Variants in GATA3 observed in about 807,000 individuals in gnomAD.
The protein encoded by GATA3 is GATA binding protein 3, also known as trans-acting T-cell-specific transcription factor GATA-3.
In GATA3, 6 loss-of-function variants were observed where a neutral mutation model predicts 36.0. That is an observed-to-expected ratio of 0.17 (90% CI 0.09 to 0.33). The LOEUF is 0.33. Among genes scored for constraint, GATA3 ranks in the 10% least tolerant of loss-of-function variants. GATA3 has a pLI of 1.00. For synonymous variants in GATA3, 326 were observed against 273.0 expected, an observed-to-expected ratio of 1.19 and a Z score of -1.92; for missense variants, 514 against 610.1, an observed-to-expected ratio of 0.84 and a Z score of 1.66.
intron 4 of GATA3, among the ~76,000 whole-genome samples, 164 bp downstream of exon 4, chr10:8,064,302 C>CTTTTT (rs1832798418): frequency 1.1e-5 from 1 of 91,460 alleles, no homozygotes. Flanking sequence ...TCTTTCTTTT[C>CTTTTT]TTCTTCTTCT....
At chr10:8,063,936 T>C in intron 3 of GATA3, 57 bp from the exon 4 acceptor site, 1 of 1,613,444 alleles carries the variant, frequency 6.2e-7, no homozygotes, top group Non-Finnish European at 8.5e-7. Flanking sequence ...CCAAATGCTG[T>C]CAGCTTTCCT....
At chr10:8,045,781 A>G (rs1013684599) in intron 1 of GATA3, among the ~76,000 whole-genome samples, 4 of 152,126 alleles carry the variant, frequency 2.6e-5, no homozygotes, top group African/African-American at 7.2e-5. Context: ...GAAAAACCCA[A>G]CGGAAGAATG....
chr10:8,068,123 C>A (rs964055213), intron 4 of GATA3, among the ~76,000 whole-genome samples: 1 of 151,846 alleles, frequency 6.6e-6, no homozygotes, highest in African/African-American at 2.4e-5. Context: ...TTTTTTAAAG[C>A]GTGAACAGAG....
intron 3 of GATA3, among the ~76,000 whole-genome samples, chr10:8,061,742 A>G (rs1383611362): frequency 2.0e-5 from 3 of 152,210 alleles, no homozygotes; most frequent in Non-Finnish European, 4.4e-5. Context: ...TCTGAAAAGG[A>G]AGCTATCACC....
At chr10:8,062,588 T>A (rs1349271487) in intron 3 of GATA3, among the ~76,000 whole-genome samples, 1 of 152,182 alleles carries the variant, frequency 6.6e-6, no homozygotes, top group Non-Finnish European at 1.5e-5. Flanking sequence ...AAGGCAGATT[T>A]TTCCTCCTTT....
Position 8,073,990 on chromosome 10 carries a change from C to T in GATA3, c.1302C>T (p.His434=). The T allele has an allele frequency of 6.2e-6, 10 of 1,614,148 alleles. No individual in the cohort carries two copies. The highest frequency in any genetic ancestry group is 8.5e-6 in the Non-Finnish European group (10 of 1,180,036). ...HPPSSLSFGP[H]HPSSMVTAMG ...CATCCAGCCTGTCCTTTGGACCACA[C>T]CACCCCTCCAGCATGGTCACCGCCA... The change falls in exon 6 of 6, where the codon CAC becomes CAT. Residue 434 remains histidine (H), a synonymous_variant. Transcript: ENST00000379328.
At chr10:8,049,738 G>T (rs1832439376), upstream of GATA3, among the ~76,000 whole-genome samples, 1 of 152,322 alleles carries the variant, frequency 6.6e-6, no homozygotes, top group East Asian at 1.9e-4. Flanking sequence ...GGCGGAGGAG[G>T]GGGCGGTGAG....
intron 4 of GATA3, 62 bp downstream of exon 4, chr10:8,064,200 T>C: frequency 1.9e-6 from 3 of 1,603,842 alleles, no homozygotes; most frequent in Non-Finnish European, 2.6e-6. Context: ...TTTCCTCTCT[T>C]CCGGAAGGAC....
chr10:8,067,783 A>T (rs1006168761), intron 4 of GATA3, among the ~76,000 whole-genome samples: 2 of 152,196 alleles, frequency 1.3e-5, no homozygotes, highest in Admixed American at 1.3e-4. Context: ...GCGCCACTGC[A>T]CTCCAGCCTG....
chr10:8,052,166 T>C (rs1398227780), upstream of GATA3: 1 of 152,218 alleles, frequency 6.6e-6, no homozygotes, highest in African/African-American at 2.4e-5. Flanking sequence ...CCCTACCGGC[T>C]GGCTCCATTA....
intron 3 of GATA3, among the ~76,000 whole-genome samples, chr10:8,062,862 T>A (rs954323485): frequency 7.9e-5 from 12 of 152,166 alleles, no homozygotes; most frequent in Non-Finnish European, 1.8e-4. Context: ...GACCCGTGTG[T>A]CCCTGGGTCC....
chr10:8,060,871 T>C (rs1832736255), intron 3 of GATA3, among the ~76,000 whole-genome samples: 1 of 152,070 alleles, frequency 6.6e-6, no homozygotes, highest in African/African-American at 2.4e-5. Flanking sequence ...GCCATTTCAA[T>C]TTGGCCTTTT....
At chr10:8,069,370 A>G in intron 4 of GATA3, 103 bp from the exon 5 acceptor site, 2 of 1,200,672 alleles carry the variant, frequency 1.7e-6, no homozygotes, top group Non-Finnish European at 2.4e-6. Context: ...TTCAATGATA[A>G]TTTCTTCCTT....
Position 8,074,770 on chromosome 10 carries a change from G to T in GATA3, c.*747G>T, listed in dbSNP as rs899862408. ...TTTATTTCATCATATTATACAGACCGAACTGTTGTATAAATTTATTTACTG... is the reference window on the plus strand; with the variant it reads ...TTTATTTCATCATATTATACAGACCTAACTGTTGTATAAATTTATTTACTG... On this transcript the variant is annotated 3_prime_UTR_variant, in exon 6 of 6. Coordinates refer to ENST00000379328, the MANE Select transcript of GATA3 (RefSeq NM_001002295.2). The T allele has an allele frequency of 4.3e-6, 1 of 233,546 alleles. No individual in the cohort carries two copies. Among genetic ancestry groups the T allele is most frequent in the African/African-American group, 2.2e-5 (1 of 45,334 alleles). The allele number at this position is 233,546 out of a possible 1,614,324, so 14.5% of individuals were successfully genotyped here. A position where few individuals can be genotyped will look rare whatever the true frequency, so the allele number is the denominator to read the frequency against.
intron 3 of GATA3, among the ~76,000 whole-genome samples, chr10:8,063,634 A>G (rs1272662701): frequency 1.3e-5 from 2 of 152,052 alleles, no homozygotes; most frequent in Non-Finnish European, 2.9e-5. Flanking sequence ...TTTTGCCACC[A>G]TCCAGGGCTC....
At chr10:8,073,302 A>G (rs902664312) in intron 5 of GATA3, among the ~76,000 whole-genome samples, 1 of 152,130 alleles carries the variant, frequency 6.6e-6, no homozygotes, top group African/African-American at 2.4e-5. Context: ...GTAGAACAGT[A>G]CAGTCCTCAT....
rs997332766 is a variant in GATA3, at chr10:8,055,946, C to G, written c.241+50C>G. 6 of 1,549,210 alleles carry G rather than the reference C, an allele frequency of 3.9e-6. No homozygotes were observed. The highest frequency in any genetic ancestry group is 1.7e-4 in the Middle Eastern group (1 of 5,936). ...CTCCCGCCGGCCGCTTCAGCCGTCC[C>G]GGCTCGGGGAGGTCGGGAGGGACCT... On this transcript the variant is annotated intron_variant, in intron 2 of 5. Transcript: ENST00000379328. This position sits in a 1 kb window ranked among gnomAD's most constrained non-coding sequence, Gnocchi z 5.4.
rs750100871 is a variant in GATA3 at position 8,064,012 on chromosome 10, C to T, written c.798C>T (p.Asn266=). The part of the protein sequence containing the change: ...RSSTEGRECV[N]CGATSTPLWR... ...TTCCAGAAGGCAGGGAGTGTGTGAA[C>T]TGTGGGGCAACCTCGACCCCACTGT... Residue 266 remains asparagine (N), a synonymous_variant, in exon 4 of 6, where the codon AAC becomes AAT. Transcript: ENST00000379328. The T allele has an allele frequency of 1.9e-6, 3 of 1,614,088 alleles. No homozygotes were observed. Among genetic ancestry groups the T allele is most frequent in the African/African-American group, 2.7e-5 (2 of 74,930 alleles).
In GATA3 at chr10:8,048,475, G is replaced by A. The variant is rs150313616; in HGVS notation, c.-370+2960G>A. Among the ~76,000 whole-genome samples the A allele has an allele frequency of 3.3e-3, 504 of 152,298 alleles. 4 individuals carry two copies. Among genetic ancestry groups the A allele is most frequent in the African/African-American group, 0.011 (460 of 41,554 alleles). ...GGCCCCCTGGGACGGAGGAGAGGTC[G>A]GGTCTAGAAGTAGCAAGCCCCTGGC... On this transcript the variant is annotated intron_variant, in intron 1 of 1. Coordinates refer to the GATA3 transcript ENST00000643001.
Sources: gnomAD v4.1 joint callset for allele counts (sites outside exome capture counted in the v4.1 genomes callset) on GRCh38, gnomAD v4.1.1 for gene constraint, Gnocchi (gnomAD v3.1) non-coding constraint, MANE v1.5 for transcripts, NCBI Gene and HGNC (gene_info 2026-07-23, HGNC 2026-07-21) for gene names.